KLF12: variants seen among roughly 807,000 people sequenced by gnomAD.
KLF12 encodes the protein Krueppel-like factor 12.
In KLF12, 9 loss-of-function variants were observed where a neutral mutation model predicts 37.8. The ratio of observed to expected loss-of-function variants is 0.24; its 90% CI spans 0.14 to 0.42. The LOEUF (loss-of-function observed/expected upper bound fraction) is 0.42, where lower values mean the gene tolerates loss of function less well. KLF12 is among the 10% of genes least tolerant of loss of function. The pLI, the probability that KLF12 is intolerant of heterozygous loss-of-function variation, is 1.00. For missense variants in KLF12, 411 were observed against 516.0 expected, an observed-to-expected ratio of 0.80 and a Z score of 1.97; for synonymous variants, 208 against 202.1, an observed-to-expected ratio of 1.03 and a Z score of -0.25.
chr13:73,985,863 GA>G (rs1329327093), intron 2 of KLF12, among the ~76,000 whole-genome samples: 1 of 152,112 alleles, frequency 6.6e-6, no homozygotes, highest in Non-Finnish European at 1.5e-5. Flanking sequence ...AAAGTTCTTT[GA>G]AATCTAAAGG....
chr13:73,848,552 T>C (rs1425285573), intron 3 of KLF12, among the ~76,000 whole-genome samples: 3 of 148,188 alleles, frequency 2.0e-5, no homozygotes, highest in Non-Finnish European at 3.0e-5. Context: ...TAGCTATATA[T>C]TATATATAAT....
the KLF12 span, among the ~76,000 whole-genome samples, chr13:74,147,011 G>T: frequency 6.6e-6 from 1 of 152,294 alleles, no homozygotes; most frequent in East Asian, 1.9e-4. Context: ...AGATTGTGTA[G>T]CCCGTGCATG....
intron 3 of KLF12, among the ~76,000 whole-genome samples, chr13:73,863,935 T>A (rs1329178527): frequency 6.6e-6 from 1 of 152,306 alleles, no homozygotes; most frequent in South Asian, 2.1e-4. Context: ...GTCAGTTTAG[T>A]ACAGTTTTTA....
chr13:74,270,433 A>T, the KLF12 span, among the ~76,000 whole-genome samples: 1 of 152,168 alleles, frequency 6.6e-6, no homozygotes, highest in Non-Finnish European at 1.5e-5. Flanking sequence ...TACATAGAGA[A>T]ACCTCAATAA....
chr13:73,765,778 A>G (rs1879871783), intron 5 of KLF12, among the ~76,000 whole-genome samples: 1 of 152,116 alleles, frequency 6.6e-6, no homozygotes, highest in Non-Finnish European at 1.5e-5. Context: ...TCCGGCTGCC[A>G]GCTTCCTGTT....
chr13:74,093,050 T>C (rs1167089461), intron 1 of KLF12, among the ~76,000 whole-genome samples: 1 of 152,232 alleles, frequency 6.6e-6, no homozygotes, highest in African/African-American at 2.4e-5. Flanking sequence ...AGAAAGAAAC[T>C]GGATCCATCC....
At chr13:74,222,438 T>G in the KLF12 span, among the ~76,000 whole-genome samples, 2 of 152,240 alleles carry the variant, frequency 1.3e-5, no homozygotes, top group East Asian at 3.8e-4. Context: ...TCTGGGATAT[T>G]TATTTCTATT....
At chr13:74,099,853 T>C (rs1384212925) in intron 1 of KLF12, among the ~76,000 whole-genome samples, 2 of 152,226 alleles carry the variant, frequency 1.3e-5, no homozygotes, top group Non-Finnish European at 2.9e-5. Context: ...AAAGTGTTGA[T>C]TTAAACTGAA....
intron 3 of KLF12, among the ~76,000 whole-genome samples, chr13:73,857,796 A>G (rs1885681344): frequency 6.6e-6 from 1 of 152,234 alleles, no homozygotes; most frequent in Non-Finnish European, 1.5e-5. Flanking sequence ...TGCAAAGAAC[A>G]GAGACCTATG....
chr13:74,022,960 C>T (rs1469449745), intron 1 of KLF12, among the ~76,000 whole-genome samples: 10 of 139,162 alleles, frequency 7.2e-5, no homozygotes, highest in Non-Finnish European at 9.5e-5. Flanking sequence ...GGCTGCATCC[C>T]TAACCTCTGG....
chr13:73,997,840 T>TG (rs1566498214), intron 1 of KLF12, among the ~76,000 whole-genome samples: 1 of 152,184 alleles, frequency 6.6e-6, no homozygotes, highest in Non-Finnish European at 1.5e-5. Context: ...TATTTCAATA[T>TG]GAAAAACATG....
At chr13:73,960,522 T>C (rs1403407407) in intron 2 of KLF12, 1 of 190,426 alleles carries the variant, frequency 5.3e-6, no homozygotes, top group East Asian at 1.2e-4. Flanking sequence ...AAAAACAAAG[T>C]TCCTATACAG....
intron 1 of KLF12, among the ~76,000 whole-genome samples, chr13:74,001,161 T>C (rs982418114): frequency 1.3e-5 from 2 of 152,190 alleles, no homozygotes; most frequent in Admixed American, 6.5e-5. Context: ...CACTCACATC[T>C]TTCTCTTAAT....
the KLF12 span, among the ~76,000 whole-genome samples, chr13:74,151,961 G>A: frequency 3.9e-5 from 6 of 152,172 alleles, no homozygotes; most frequent in Non-Finnish European, 8.8e-5. Context: ...GTGAACAAAT[G>A]CAAACTAAAG....
At chr13:73,736,857 C>T (rs1877501449) in intron 6 of KLF12, among the ~76,000 whole-genome samples, 1 of 152,054 alleles carries the variant, frequency 6.6e-6, no homozygotes, top group African/African-American at 2.4e-5. Context: ...CAAAACAAAA[C>T]CCAGGGGAAA....
chr13:74,043,535 G>A (rs1249945715), intron 1 of KLF12, among the ~76,000 whole-genome samples: 3 of 151,978 alleles, frequency 2.0e-5, no homozygotes, highest in East Asian at 1.9e-4. Flanking sequence ...TTGATATTTC[G>A]CTAAAATGTA....
chr13:74,290,887 GT>G, the KLF12 span, among the ~76,000 whole-genome samples: 1 of 152,210 alleles, frequency 6.6e-6, no homozygotes, highest in Non-Finnish European at 1.5e-5. Context: ...GGAAAAGTCT[GT>G]TTTTTGTTAA....
intron 4 of KLF12, among the ~76,000 whole-genome samples, chr13:73,837,548 T>G (rs1884501359): frequency 6.6e-6 from 1 of 152,168 alleles, no homozygotes; most frequent in African/African-American, 2.4e-5. Flanking sequence ...GAACTCACAG[T>G]GAAAATTCAA....
intron 5 of KLF12, among the ~76,000 whole-genome samples, chr13:73,778,699 C>T (rs1880778156): frequency 1.3e-5 from 2 of 152,102 alleles, no homozygotes; most frequent in African/African-American, 4.8e-5. Flanking sequence ...CCTCACCAAA[C>T]AACAGCCTGT....
Sources: allele counts gnomAD v4.1 joint callset (sites outside exome capture counted in the v4.1 genomes callset), GRCh38; gene constraint gnomAD v4.1.1; transcripts MANE v1.5; gene names NCBI Gene and HGNC (gene_info 2026-07-23, HGNC 2026-07-21).